RAB7B: variants seen among roughly 807,000 people sequenced by gnomAD.
RAB7B encodes the protein ras-related protein Rab-7b.
chr1:205,998,989 A>G (rs1235107199), intron 1 of RAB7B, among the ~76,000 whole-genome samples: 1 of 152,222 alleles, frequency 6.6e-6, no homozygotes, highest in African/African-American at 2.4e-5. Flanking sequence ...AAAGACAGAA[A>G]GCCCGCACGT....
At chr1:205,985,453 C>T in intron 5 of RAB7B, 87 bp downstream of exon 5, 1 of 397,956 alleles carries the variant, frequency 2.5e-6, no homozygotes, top group Non-Finnish European at 4.4e-6. Context: ...TCCCTGCCCA[C>T]ACCCAAGATG....
At chr1:205,981,373 T>A (rs1436862120) in intron 5 of RAB7B, among the ~76,000 whole-genome samples, 1 of 152,250 alleles carries the variant, frequency 6.6e-6, no homozygotes, top group African/African-American at 2.4e-5. Flanking sequence ...CCTTTCAGAA[T>A]GTTAACTGAA....
intron 4 of RAB7B, among the ~76,000 whole-genome samples, chr1:205,988,775 G>C (rs1280628101): frequency 6.6e-6 from 1 of 152,168 alleles, no homozygotes; most frequent in Middle Eastern, 3.2e-3. Context: ...GGGCGGCTGT[G>C]AGTCCACATC....
chr1:205,997,779 G>A (rs1214746253), intron 1 of RAB7B, among the ~76,000 whole-genome samples: 3 of 152,190 alleles, frequency 2.0e-5, no homozygotes, highest in Non-Finnish European at 4.4e-5. Flanking sequence ...GCAAAGGGAA[G>A]CTGTTTCCTA....
At chr1:205,992,965 A>G (rs1194577427) in intron 3 of RAB7B, among the ~76,000 whole-genome samples, 2 of 152,206 alleles carry the variant, frequency 1.3e-5, no homozygotes, top group Non-Finnish European at 2.9e-5. Flanking sequence ...TGTTATTCCC[A>G]TCTGACAGAT....
chr1:205,989,669 C>T (rs1456366083), intron 4 of RAB7B, among the ~76,000 whole-genome samples: 4 of 152,118 alleles, frequency 2.6e-5, no homozygotes, highest in Non-Finnish European at 5.9e-5. Flanking sequence ...GCCTCCGCCA[C>T]CCCAGCCCTG....
At chr1:205,985,751 T>TCAGGCCCAC (rs1660584706) in intron 4 of RAB7B, 86 bp from the exon 5 acceptor site, 12 of 182,574 alleles carry the variant, frequency 6.6e-5, no homozygotes, top group Admixed American at 2.1e-4. Context: ...ACCATCCCCA[T>TCAGGCCCAC]CAGGCCCACC....
intron 4 of RAB7B, among the ~76,000 whole-genome samples, chr1:205,989,012 T>C (rs2102637570): frequency 6.6e-6 from 1 of 152,128 alleles, no homozygotes; most frequent in Admixed American, 6.5e-5. Context: ...CCTCTCCACG[T>C]CCTGTCCTGA....
intron 5 of RAB7B, among the ~76,000 whole-genome samples, chr1:205,982,671 A>G (rs1385414080): frequency 1.1e-4 from 17 of 152,142 alleles, no homozygotes; most frequent in Admixed American, 1.1e-3. Flanking sequence ...CTGAGTATAA[A>G]GCCAGATCGT....
rs937200096 is a variant in RAB7B, at chr1:205,988,622, G to T, written c.397-2957C>A. ...AGCTGTCCCTTGGAGATAATAATAA[G>T]GAGGATCATTTCCTTGTTCCATTAT... On this transcript the variant is annotated intron_variant, in intron 4 of 5. Coordinates refer to ENST00000617070, the MANE Select transcript of RAB7B (RefSeq NM_001164522.3). 2.6e-3 allele frequency among the ~76,000 whole-genome samples: 398 copies of T among 152,250 alleles called. 2 individuals carry two copies. The highest frequency in any genetic ancestry group is 9.1e-3 in the African/African-American group (379 of 41,542).
intron 4 of RAB7B, among the ~76,000 whole-genome samples, chr1:205,991,066 C>T (rs1660714835): frequency 1.3e-5 from 2 of 152,084 alleles, no homozygotes; most frequent in African/African-American, 2.4e-5. Context: ...CCACTGTGCC[C>T]GGCCAAGACT....
chr1:206,001,490 A>AAAG (rs1660890032), intron 1 of RAB7B, among the ~76,000 whole-genome samples: 1 of 152,120 alleles, frequency 6.6e-6, no homozygotes, highest in Admixed American at 6.5e-5. Flanking sequence ...TTATCTGTAA[A>AAAG]AAGTGTAGTG....
At chr1:205,990,851 G>T (rs961562710) in intron 4 of RAB7B, among the ~76,000 whole-genome samples, 170 of 145,172 alleles carry the variant, frequency 1.2e-3, no homozygotes, top group African/African-American at 4.2e-3. Context: ...GCAGTGGTGC[G>T]ATCGCGGCTC....
intron 4 of RAB7B, among the ~76,000 whole-genome samples, chr1:205,986,311 T>C (rs1225523491): frequency 6.6e-6 from 1 of 152,226 alleles, no homozygotes; most frequent in East Asian, 1.9e-4. Flanking sequence ...ATATATGAAC[T>C]CATCTCATCC....
At chr1:205,994,225 C>T in intron 1 of RAB7B, 74 bp from the exon 2 acceptor site, 1 of 397,718 alleles carries the variant, frequency 2.5e-6, no homozygotes. Context: ...GTGGCCTCTG[C>T]TTTCCCCTTT....
intron 1 of RAB7B, among the ~76,000 whole-genome samples, chr1:206,000,759 C>T (rs1192245969): frequency 2.6e-5 from 4 of 152,212 alleles, no homozygotes; most frequent in Admixed American, 1.3e-4. Flanking sequence ...AAGCTACCAG[C>T]GTGGAGCCTG....
intron 5 of RAB7B, among the ~76,000 whole-genome samples, chr1:205,984,951 G>A (rs1660563384): frequency 6.6e-6 from 1 of 151,906 alleles, no homozygotes; most frequent in African/African-American, 2.4e-5. Context: ...CCCTCCTCTA[G>A]ACCCTACCCC....
intron 4 of RAB7B, among the ~76,000 whole-genome samples, chr1:205,987,480 A>G (rs1482968136): frequency 6.6e-6 from 1 of 152,256 alleles, no homozygotes; most frequent in African/African-American, 2.4e-5. Context: ...GCATCATTTT[A>G]TTTATGATGC....
At chr1:206,002,041 T>A (rs1253441261) in intron 1 of RAB7B, among the ~76,000 whole-genome samples, 1 of 152,104 alleles carries the variant, frequency 6.6e-6, no homozygotes, top group Admixed American at 6.6e-5. Context: ...CATCATACTA[T>A]CTTTCCAGGC....
Sources: allele counts gnomAD v4.1 joint callset (sites outside exome capture counted in the v4.1 genomes callset), GRCh38; gene constraint gnomAD v4.1.1; transcripts MANE v1.5; gene names NCBI Gene and HGNC (gene_info 2026-07-23, HGNC 2026-07-21).